Variants in WWOX observed in about 807,000 individuals in gnomAD.
WWOX encodes the protein WW domain containing oxidoreductase.
WWOX carries 69 observed loss-of-function variants against 46.2 expected under a neutral mutation model. That is an observed-to-expected ratio of 1.49 (90% CI 1.23 to 1.82). The LOEUF (loss-of-function observed/expected upper bound fraction) is 1.82. Ranked by LOEUF, WWOX falls within the 40% of genes most tolerant of loss-of-function variation. The pLI, the probability that WWOX is intolerant of heterozygous loss-of-function variation, is 0.00. For missense variants in WWOX, 919 were observed against 542.6 expected (o/e 1.69, Z -6.89); for synonymous variants, 359 against 202.6 (o/e 1.77, Z -6.56).
At chr16:79,010,041 T>C (rs1458441915) in intron 8 of WWOX, among the ~76,000 whole-genome samples, 1 of 152,198 alleles carries the variant, frequency 6.6e-6, no homozygotes, top group African/African-American at 2.4e-5. Context: ...ATGCCTAGAA[T>C]TGAGCAAGCT....
intron 8 of WWOX, among the ~76,000 whole-genome samples, chr16:78,671,917 T>C (rs1478321864): frequency 6.6e-6 from 1 of 152,122 alleles, no homozygotes; most frequent in African/African-American, 2.4e-5. Flanking sequence ...CTTCATTCCT[T>C]CTCATCTCAA....
intron 8 of WWOX, among the ~76,000 whole-genome samples, chr16:78,974,301 G>A (rs192190366): frequency 3.9e-5 from 6 of 152,260 alleles, no homozygotes; most frequent in Middle Eastern, 3.4e-3. Flanking sequence ...ATGAATAACC[G>A]CCTTCCAGTA....
In WWOX at chr16:78,813,460, C is replaced by G. The variant is rs141434828; in HGVS notation, c.1056+380708C>G. 2.4e-3 allele frequency among the ~76,000 whole-genome samples: 358 copies of G among 152,258 alleles called. 1 individual carries two copies. Among genetic ancestry groups the G allele is most frequent in the African/African-American group, 8.1e-3 (336 of 41,558 alleles). On this transcript the variant is annotated intron_variant, in intron 8 of 8. Coordinates refer to ENST00000566780, the MANE Select transcript of WWOX (RefSeq NM_016373.4). ...GAGTTTTGCTAGAGTCCAAGATCAT[C>G]TATTCTAATTTCTGGGGACACATAT... is the stretch of plus-strand genomic sequence containing the variant.
chr16:78,691,725 T>A (rs9936330), intron 8 of WWOX, among the ~76,000 whole-genome samples: 112,661 of 151,902 alleles, frequency 0.74, 42,041 homozygotes, highest in Admixed American at 0.76. Context: ...AAAAAAATAA[T>A]AAAGCACTGT....
chr16:78,250,026 T>C (rs2151827617), intron 5 of WWOX, among the ~76,000 whole-genome samples: 1 of 152,334 alleles, frequency 6.6e-6, no homozygotes, highest in South Asian at 2.1e-4. Context: ...ACCTGTGTTC[T>C]TAATCATTAC....
intron 8 of WWOX, among the ~76,000 whole-genome samples, chr16:79,075,591 C>T (rs1273050792): frequency 6.6e-6 from 1 of 151,554 alleles, no homozygotes; most frequent in Non-Finnish European, 1.5e-5. Flanking sequence ...CTTGCTCTGT[C>T]ACCCAGGCTG....
At chr16:79,093,575 A>C (rs1410451509) in intron 8 of WWOX, among the ~76,000 whole-genome samples, 1 of 152,154 alleles carries the variant, frequency 6.6e-6, no homozygotes, top group African/African-American at 2.4e-5. Context: ...CAGTGGGCCC[A>C]CTTCACCTTC....
intron 8 of WWOX, among the ~76,000 whole-genome samples, chr16:78,876,248 C>G (rs771265037): frequency 1.3e-5 from 2 of 151,794 alleles, no homozygotes; most frequent in South Asian, 2.1e-4. Context: ...TCTTTAAAAG[C>G]AGTTCTAAAA....
chr16:78,582,702 G>A (rs1174378608), intron 8 of WWOX, among the ~76,000 whole-genome samples: 1 of 152,114 alleles, frequency 6.6e-6, no homozygotes, highest in Non-Finnish European at 1.5e-5. Flanking sequence ...CTGCTTAACA[G>A]TAAACTTGTT....
intron 8 of WWOX, among the ~76,000 whole-genome samples, chr16:78,770,148 C>G (rs368056234): frequency 2.0e-5 from 3 of 152,040 alleles, no homozygotes; most frequent in Non-Finnish European, 4.4e-5. Flanking sequence ...GTCAGGAGTT[C>G]GAGACCAGCC....
chr16:78,312,101 T>G (rs72792342), intron 5 of WWOX, among the ~76,000 whole-genome samples: 7,894 of 152,244 alleles, frequency 0.052, 336 homozygotes, highest in Admixed American at 0.13. Flanking sequence ...GTCTTTTGCC[T>G]CCTCCTCTTA....
Position 78,379,695 on chromosome 16 carries a change from C to T in WWOX, c.517-7165C>T, listed in dbSNP as rs111969451. 1.7e-3 allele frequency among the ~76,000 whole-genome samples: 263 copies of T among 152,234 alleles called. 2 individuals are homozygous for T. Among genetic ancestry groups the T allele is most frequent in the Non-Finnish European group, 2.9e-3 (195 of 68,032 alleles). On this transcript the variant is annotated intron_variant, in intron 5 of 8. Coordinates refer to ENST00000566780, the MANE Select transcript of WWOX (RefSeq NM_016373.4). The stretch of plus-strand genomic sequence containing the variant: ...GACCAACTACTTGGGTTCACTATGG[C>T]GAGAAATGGGATAGGAGAGCGAACT...
intron 8 of WWOX, among the ~76,000 whole-genome samples, chr16:78,700,085 G>A (rs190671127): frequency 2.0e-3 from 300 of 152,022 alleles, no homozygotes; most frequent in Non-Finnish European, 3.4e-3. Context: ...AAGAGATACT[G>A]TCCTAGGGTC....
intron 8 of WWOX, among the ~76,000 whole-genome samples, chr16:78,866,725 A>G (rs183720528): frequency 2.0e-5 from 3 of 152,330 alleles, no homozygotes; most frequent in East Asian, 1.9e-4. Context: ...GACATTGGCA[A>G]TAAACCAGGA....
intron 8 of WWOX, among the ~76,000 whole-genome samples, chr16:78,572,270 GA>G (rs2044735222): frequency 6.6e-6 from 1 of 152,170 alleles, no homozygotes; most frequent in Admixed American, 6.6e-5. Context: ...CATCAACACA[GA>G]AGAATCTCAG....
Position 78,417,226 on chromosome 16 carries a change from C to T in WWOX, c.606-7644C>T, listed in dbSNP as rs141598506. 6.8e-4 allele frequency among the ~76,000 whole-genome samples: 104 copies of T among 152,210 alleles called. 1 individual carries two copies. The highest frequency in any genetic ancestry group is 2.4e-3 in the African/African-American group (100 of 41,530). On this transcript the variant is annotated intron_variant, in intron 6 of 8. Coordinates refer to ENST00000566780, the MANE Select transcript of WWOX (RefSeq NM_016373.4). ...TAGCTGAGACTACAGGTGCATGCCA[C>T]TGGCTATTTTTATTTTTTTCTTTTT...
intron 8 of WWOX, among the ~76,000 whole-genome samples, chr16:78,698,125 G>C (rs1203812310): frequency 6.6e-6 from 1 of 152,196 alleles, no homozygotes; most frequent in Non-Finnish European, 1.5e-5. Context: ...TTGGCATCTT[G>C]AGGTTTCTCT....
At chr16:79,120,985 T>G (rs2049618889) in intron 8 of WWOX, among the ~76,000 whole-genome samples, 1 of 152,158 alleles carries the variant, frequency 6.6e-6, no homozygotes, top group South Asian at 2.1e-4. Flanking sequence ...GCCAGGCTGG[T>G]TTCGAACTCG....
intron 8 of WWOX, among the ~76,000 whole-genome samples, chr16:78,866,582 C>T (rs1216868103): frequency 6.6e-6 from 1 of 152,190 alleles, no homozygotes; most frequent in African/African-American, 2.4e-5. Context: ...AACAAAATCA[C>T]TTAAGTGTTC....
Sources: gnomAD v4.1 joint callset for allele counts (sites outside exome capture counted in the v4.1 genomes callset) on GRCh38, gnomAD v4.1.1 for gene constraint, MANE v1.5 for transcripts, NCBI Gene and HGNC (gene_info 2026-07-23, HGNC 2026-07-21) for gene names.